Variants in SPOCK1 observed in about 807,000 individuals in gnomAD.
SPOCK1 encodes the protein testican-1.
A neutral mutation model predicts 55.3 loss-of-function variants in SPOCK1; 23 were observed. That is an observed-to-expected ratio of 0.42 (90% CI 0.30 to 0.59). The LOEUF is 0.59. Among genes scored for constraint, SPOCK1 ranks in the 20% least tolerant of loss-of-function variants. SPOCK1 has a pLI of 0.22. For missense variants in SPOCK1, 499 were observed against 552.5 expected (o/e 0.90, Z 0.97); for synonymous variants, 226 against 221.0 (o/e 1.02, Z -0.20).
intron 2 of SPOCK1, among the ~76,000 whole-genome samples, chr5:137,410,561 G>C (rs1270759095): frequency 2.0e-5 from 3 of 152,202 alleles, no homozygotes; most frequent in Non-Finnish European, 4.4e-5. Flanking sequence ...GTTCCGTTCT[G>C]TGCCCTTTGG....
chr5:137,393,889 C>A (rs530582539), intron 2 of SPOCK1, among the ~76,000 whole-genome samples: 5 of 151,982 alleles, frequency 3.3e-5, no homozygotes, highest in Admixed American at 6.6e-5. Flanking sequence ...GGGTTCACAC[C>A]AAATGGTAAA....
In SPOCK1 at chr5:137,267,072, T is replaced by C; in HGVS notation, c.187-17A>G. The C allele has an allele frequency of 6.8e-6, 11 of 1,609,514 alleles. No homozygotes were observed. The highest frequency in any genetic ancestry group is 9.3e-6 in the Non-Finnish European group (11 of 1,176,516). On this transcript the variant is annotated splice_polypyrimidine_tract_variant and intron_variant, in intron 2 of 10. Transcript: ENST00000394945. ...ATAATCATCCTATATAAGGAAAAAATAGAAAACAAAGGTCAGAGTTCAAAA... is the reference window on the plus strand; with the variant it reads ...ATAATCATCCTATATAAGGAAAAAACAGAAAACAAAGGTCAGAGTTCAAAA...
At chr5:137,187,014 T>A (rs945600600) in intron 3 of SPOCK1, among the ~76,000 whole-genome samples, 1 of 152,142 alleles carries the variant, frequency 6.6e-6, no homozygotes, top group Non-Finnish European at 1.5e-5. Flanking sequence ...CATTGCCCCA[T>A]CCAGTCCACG....
rs374943618 is a variant in SPOCK1 at position 137,223,123 on chromosome 5, G to A, written c.232+43887C>T. ...TCCATGCTATGGCAAAAATAAAGCA[G>A]GGAAAGGAGATAACAACTGGGCAGG... On this transcript the variant is annotated intron_variant, in intron 3 of 10. Transcript: ENST00000394945. 3.9e-5 allele frequency among the ~76,000 whole-genome samples: 6 copies of A among 151,938 alleles called. No homozygotes were observed. The East Asian group carries it at 5.8e-4, about 15-fold the overall frequency.
chr5:137,441,123 G>C (rs1348907179), intron 2 of SPOCK1, among the ~76,000 whole-genome samples: 1 of 152,218 alleles, frequency 6.6e-6, no homozygotes, highest in Non-Finnish European at 1.5e-5. Context: ...GTCACAATCA[G>C]ACGTTCAACA....
chr5:137,004,698 G>GA (rs1227557961), intron 6 of SPOCK1, among the ~76,000 whole-genome samples: 29 of 151,616 alleles, frequency 1.9e-4, no homozygotes, highest in Admixed American at 9.9e-4. Context: ...ATGTACCCAG[G>GA]AAAAAAAACC....
At chr5:137,092,847 C>T (rs1435656274) in intron 5 of SPOCK1, among the ~76,000 whole-genome samples, 1 of 152,158 alleles carries the variant, frequency 6.6e-6, no homozygotes, top group Non-Finnish European at 1.5e-5. Flanking sequence ...AAGGAATTTA[C>T]TTCTCACAGT....
intron 6 of SPOCK1, among the ~76,000 whole-genome samples, chr5:137,054,987 A>G (rs1290700614): frequency 6.6e-6 from 1 of 152,190 alleles, no homozygotes; most frequent in Non-Finnish European, 1.5e-5. Flanking sequence ...TGTTTCAACC[A>G]CATGAAATGA....
intron 2 of SPOCK1, among the ~76,000 whole-genome samples, chr5:137,460,209 C>T (rs77253132): frequency 0.011 from 1,741 of 152,118 alleles, 31 homozygotes; most frequent in African/African-American, 0.039. Context: ...GTGGTGTAGG[C>T]CTGTGCTGGA....
intron 3 of SPOCK1, among the ~76,000 whole-genome samples, chr5:137,158,703 G>T (rs1160284862): frequency 6.6e-6 from 1 of 151,904 alleles, no homozygotes; most frequent in African/African-American, 2.4e-5. Flanking sequence ...AGCTGGAAAG[G>T]GGGCAGTGGC....
chr5:136,988,035 G>C (rs966742296), intron 8 of SPOCK1, among the ~76,000 whole-genome samples: 3 of 152,124 alleles, frequency 2.0e-5, no homozygotes, highest in African/African-American at 7.2e-5. Context: ...ACTGACAAGT[G>C]ACTTTCTCAA....
chr5:137,423,498 C>T (rs1390971573), intron 2 of SPOCK1, among the ~76,000 whole-genome samples: 2 of 152,230 alleles, frequency 1.3e-5, no homozygotes, highest in African/African-American at 4.8e-5. Context: ...TGCTTCTCCC[C>T]CAGCCTCGCT....
chr5:137,090,893 T>C (rs1053634531), intron 5 of SPOCK1, among the ~76,000 whole-genome samples: 2 of 152,200 alleles, frequency 1.3e-5, no homozygotes, highest in African/African-American at 4.8e-5. Flanking sequence ...CAGTATTCTC[T>C]GGCTCAGTTT....
chr5:137,176,286 T>A (rs894925321), intron 3 of SPOCK1, among the ~76,000 whole-genome samples: 1 of 152,148 alleles, frequency 6.6e-6, no homozygotes, highest in African/African-American at 2.4e-5. Flanking sequence ...GCCATCAAGG[T>A]CATCTTGAAC....
At chr5:137,037,530 A>G (rs999282181) in intron 6 of SPOCK1, among the ~76,000 whole-genome samples, 2 of 152,136 alleles carry the variant, frequency 1.3e-5, no homozygotes, top group African/African-American at 4.8e-5. Context: ...AGGTAACAGC[A>G]GCTGCTATAA....
intron 3 of SPOCK1, among the ~76,000 whole-genome samples, chr5:137,164,593 T>C (rs1033210995): frequency 3.9e-5 from 6 of 152,108 alleles, no homozygotes; most frequent in African/African-American, 7.2e-5. Context: ...CACAGTGAGA[T>C]AGAGTACCAA....
intron 3 of SPOCK1, among the ~76,000 whole-genome samples, chr5:137,221,032 T>C (rs1755837607): frequency 6.6e-6 from 1 of 152,200 alleles, no homozygotes. Context: ...CAGAAATATA[T>C]CTGCTTAAAT....
chr5:136,995,248 T>C (rs148980110), intron 6 of SPOCK1, among the ~76,000 whole-genome samples: 71 of 152,228 alleles, frequency 4.7e-4, no homozygotes, highest in African/African-American at 1.7e-3. Flanking sequence ...CTTCAACTGT[T>C]TAAGATGAGC....
At chr5:137,416,950 T>C (rs1300363623) in intron 2 of SPOCK1, among the ~76,000 whole-genome samples, 1 of 152,182 alleles carries the variant, frequency 6.6e-6, no homozygotes, top group Non-Finnish European at 1.5e-5. Flanking sequence ...ATTTTGAATA[T>C]TTTGTGAAGT....
Sources: gnomAD v4.1 joint callset for allele counts (sites outside exome capture counted in the v4.1 genomes callset) on GRCh38, gnomAD v4.1.1 for gene constraint, MANE v1.5 for transcripts, NCBI Gene and HGNC (gene_info 2026-07-23, HGNC 2026-07-21) for gene names.